LRP1B: variants seen among roughly 807,000 people sequenced by gnomAD.
LRP1B encodes LDL receptor related protein 1B.
Under a neutral mutation model 556.6 loss-of-function variants are expected in LRP1B, and 217 were observed. That is an observed-to-expected ratio of 0.39 (90% CI 0.35 to 0.44). The LOEUF is 0.44. Ranked by LOEUF, LRP1B falls within the 20% of genes least tolerant of loss-of-function variation. LRP1B has a pLI of 1.00. For missense variants in LRP1B, 5,053 were observed against 5,620.8 expected (o/e 0.90, Z 3.23); for synonymous variants, 2,047 against 1,865.8 (o/e 1.10, Z -2.50).
chr2:140,414,023 C>T (rs1685074498), intron 66 of LRP1B, among the ~76,000 whole-genome samples: 1 of 152,128 alleles, frequency 6.6e-6, no homozygotes, highest in Non-Finnish European at 1.5e-5. Flanking sequence ...TCAAGCAATC[C>T]TCCCACCTCA....
intron 29 of LRP1B, 56 bp from the exon 30 acceptor site, chr2:140,841,148 C>A (rs983392537): frequency 8.9e-7 from 1 of 1,127,246 alleles, no homozygotes; most frequent in Non-Finnish European, 1.3e-6. Flanking sequence ...ATTGTACTGG[C>A]TCTGCAAGTA....
intron 2 of LRP1B, among the ~76,000 whole-genome samples, chr2:141,607,246 G>A (rs1000238112): frequency 4.0e-5 from 6 of 151,778 alleles, no homozygotes; most frequent in African/African-American, 1.2e-4. Flanking sequence ...GATTAGGAGT[G>A]ATACAAAAAC....
intron 6 of LRP1B, among the ~76,000 whole-genome samples, chr2:141,209,230 G>A (rs557886150): frequency 1.6e-3 from 238 of 152,294 alleles, no homozygotes; most frequent in Non-Finnish European, 2.8e-3. Flanking sequence ...GGGACCTGGT[G>A]GGAGGTAGTC....
intron 23 of LRP1B, among the ~76,000 whole-genome samples, chr2:140,895,724 C>T (rs569541332): frequency 6.6e-6 from 1 of 152,194 alleles, no homozygotes; most frequent in East Asian, 1.9e-4. Context: ...GAAAATGGCT[C>T]TCAGTGGGAT....
intron 1 of LRP1B, among the ~76,000 whole-genome samples, chr2:141,848,306 T>A (rs1278200205): frequency 6.6e-6 from 1 of 151,514 alleles, no homozygotes. Flanking sequence ...TCTGAGAGAC[T>A]GAGTGAGAGT....
intron 1 of LRP1B, among the ~76,000 whole-genome samples, chr2:142,099,173 A>C: frequency 6.6e-6 from 1 of 151,778 alleles, no homozygotes; most frequent in Non-Finnish European, 1.5e-5. Context: ...TGCTGGGAAA[A>C]CTCATTATTC....
At chr2:140,912,346 GAACA>G (rs1348375982) in intron 21 of LRP1B, among the ~76,000 whole-genome samples, 1 of 151,568 alleles carries the variant, frequency 6.6e-6, no homozygotes, top group African/African-American at 2.4e-5. Context: ...AATCTTGAAT[GAACA>G]AATATCACAG....
intron 7 of LRP1B, among the ~76,000 whole-genome samples, chr2:141,178,125 A>C (rs1355012657): frequency 1.3e-5 from 2 of 152,104 alleles, no homozygotes; most frequent in Non-Finnish European, 2.9e-5. Flanking sequence ...TCATATCTTA[A>C]AACCGGAAAA....
chr2:140,556,233 A>T (rs1407486174), intron 43 of LRP1B, among the ~76,000 whole-genome samples: 1 of 152,046 alleles, frequency 6.6e-6, no homozygotes, highest in Non-Finnish European at 1.5e-5. Context: ...TGAATTATCT[A>T]GCCTTTTTGT....
chr2:141,454,234 T>C (rs1681543926), intron 3 of LRP1B, among the ~76,000 whole-genome samples: 1 of 152,252 alleles, frequency 6.6e-6, no homozygotes, highest in Non-Finnish European at 1.5e-5. Flanking sequence ...CAATTTAAAA[T>C]GACCTGTTGA....
intron 43 of LRP1B, among the ~76,000 whole-genome samples, chr2:140,596,126 ATCTG>A (rs1682430154): frequency 1.3e-5 from 2 of 152,178 alleles, no homozygotes. Flanking sequence ...TTGCTGTAAC[ATCTG>A]TCTAAGGCTT....
chr2:142,008,536 CTTT>C (rs1008908097), intron 1 of LRP1B, among the ~76,000 whole-genome samples: 2 of 141,116 alleles, frequency 1.4e-5, no homozygotes, highest in African/African-American at 5.3e-5. Context: ...TTTTTTTTAA[CTTT>C]CTTTCAGGGG....
chr2:140,689,210 C>T (rs968559836), intron 41 of LRP1B, among the ~76,000 whole-genome samples: 1 of 152,136 alleles, frequency 6.6e-6, no homozygotes, highest in Non-Finnish European at 1.5e-5. Context: ...GATTGAAAAC[C>T]TAATTTAGGA....
At chr2:140,853,080 G>A (rs557332684) in intron 27 of LRP1B, among the ~76,000 whole-genome samples, 2 of 151,908 alleles carry the variant, frequency 1.3e-5, no homozygotes, top group South Asian at 4.2e-4. Flanking sequence ...TTGCCCATTA[G>A]AAAATGACAG....
intron 27 of LRP1B, among the ~76,000 whole-genome samples, chr2:140,857,587 C>T (rs1236867924): frequency 1.3e-5 from 2 of 152,014 alleles, no homozygotes; most frequent in African/African-American, 4.8e-5. Flanking sequence ...GCTTTACTTT[C>T]ACCAGATTCT....
intron 84 of LRP1B, among the ~76,000 whole-genome samples, chr2:140,295,581 C>T (rs532130173): frequency 9.2e-5 from 14 of 152,138 alleles, no homozygotes; most frequent in Admixed American, 5.2e-4. Context: ...GGGATGCGAC[C>T]TGAGCCCTGA....
chr2:140,825,632 T>G (rs2105063336), intron 31 of LRP1B, among the ~76,000 whole-genome samples: 1 of 152,282 alleles, frequency 6.6e-6, no homozygotes, highest in Admixed American at 6.5e-5. Context: ...GTGTATAATA[T>G]TAGTCGTAAC....
At chr2:140,528,076 C>T (rs964508764) in intron 47 of LRP1B, among the ~76,000 whole-genome samples, 1 of 151,826 alleles carries the variant, frequency 6.6e-6, no homozygotes, top group East Asian at 1.9e-4. Context: ...AATCTGCCTC[C>T]AATCTCCCAT....
chr2:140,953,722 C>T (rs1225478411), intron 18 of LRP1B, among the ~76,000 whole-genome samples: 3 of 152,026 alleles, frequency 2.0e-5, no homozygotes. Flanking sequence ...ATATGAATAA[C>T]AAAAATATAT....
Sources: gnomAD v4.1 joint callset for allele counts (sites outside exome capture counted in the v4.1 genomes callset) on GRCh38, gnomAD v4.1.1 for gene constraint, MANE v1.5 for transcripts, NCBI Gene and HGNC (gene_info 2026-07-23, HGNC 2026-07-21) for gene names.